Variants in PSPC1 observed in about 807,000 individuals in gnomAD.
PSPC1 encodes paraspeckle protein 1.
In PSPC1, 14 loss-of-function variants were observed where a neutral mutation model predicts 51.6. The observed-to-expected ratio is 0.27, with a 90% confidence interval of 0.18 to 0.42. The LOEUF (loss-of-function observed/expected upper bound fraction) is 0.42, where lower values mean the gene tolerates loss of function less well. Among genes scored for constraint, PSPC1 ranks in the 10% least tolerant of loss-of-function variants. The pLI, the probability that PSPC1 is intolerant of heterozygous loss-of-function variation, is 1.00. For missense variants in PSPC1, 406 were observed against 701.1 expected, an observed-to-expected ratio of 0.58 and a Z score of 4.75; for synonymous variants, 193 against 231.9, an observed-to-expected ratio of 0.83 and a Z score of 1.53.
intron 6 of PSPC1, among the ~76,000 whole-genome samples, chr13:19,715,798 G>T (rs189773926): frequency 6.6e-6 from 1 of 152,058 alleles, no homozygotes; most frequent in Admixed American, 6.6e-5. Context: ...TGGATCACGA[G>T]GTCAAGAGAT....
intron 6 of PSPC1, among the ~76,000 whole-genome samples, chr13:19,694,088 A>G (rs1878896177): frequency 8.0e-6 from 1 of 124,842 alleles, no homozygotes; most frequent in Non-Finnish European, 1.6e-5. Flanking sequence ...GCACCACTGC[A>G]CTCCAGCCTG....
At chr13:19,673,360 T>C (rs1026705258), downstream of PSPC1, 1 of 278,438 alleles carries the variant, frequency 3.6e-6, no homozygotes, top group Non-Finnish European at 7.1e-6. Flanking sequence ...CACGTTTGTG[T>C]AGATATTTCA....
intron 4 of PSPC1, among the ~76,000 whole-genome samples, chr13:19,749,575 A>G (rs1230183767): frequency 6.6e-6 from 1 of 151,182 alleles, no homozygotes; most frequent in Non-Finnish European, 1.5e-5. Flanking sequence ...CTAATGAATG[A>G]TTCAGTACCT....
chr13:19,730,789 C>G (rs1156896582), intron 5 of PSPC1, among the ~76,000 whole-genome samples: 2 of 151,712 alleles, frequency 1.3e-5, no homozygotes, highest in Non-Finnish European at 2.9e-5. Context: ...GAAACCCTAT[C>G]TCTACTAAAA....
chr13:19,724,774 G>T (rs184496290), intron 6 of PSPC1, among the ~76,000 whole-genome samples: 1 of 152,086 alleles, frequency 6.6e-6, no homozygotes, highest in South Asian at 2.1e-4. Context: ...CCGAGCGGGC[G>T]GATCACCTGA....
intron 1 of PSPC1, among the ~76,000 whole-genome samples, chr13:19,774,912 C>A (rs542908932): frequency 6.6e-5 from 10 of 151,764 alleles, no homozygotes; most frequent in Non-Finnish European, 1.5e-4. Flanking sequence ...AGGGGGCTCA[C>A]ACCTGTAATC....
rs1888694904 is a variant in PSPC1 at position 19,772,304 on chromosome 13, T to C, written c.612A>G (p.Ala204=). 1.9e-6 allele frequency: 3 copies of C among 1,614,240 alleles called. No individual in the cohort carries two copies. The highest frequency in any genetic ancestry group is 1.6e-4 in the Middle Eastern group (1 of 6,062). The part of the protein sequence containing the change: ...RATGKGFVEF[A]AKPPARKALE... ...GAGCCTTTCGTGCAGGAGGTTTTGC[T>C]GCAAACTCTACAAAACCTTTTCCTG... The change falls in exon 2 of 9, where the codon GCA becomes GCG. Residue 204 remains alanine (A), a synonymous_variant. Coordinates refer to ENST00000338910, the MANE Select transcript of PSPC1 (RefSeq NM_001354909.2).
chr13:19,724,020 A>C (rs1184831704), intron 6 of PSPC1, among the ~76,000 whole-genome samples: 11 of 152,204 alleles, frequency 7.2e-5, no homozygotes, highest in Non-Finnish European at 1.6e-4. Flanking sequence ...ATCCTTCAGC[A>C]AATAATTCTT....
chr13:19,671,742 T>C (rs1459289759), downstream of PSPC1: 4 of 1,151,708 alleles, frequency 3.5e-6, no homozygotes, highest in Middle Eastern at 2.0e-4. Flanking sequence ...TGCCAAATAA[T>C]AGAAGCAAAT....
intron 6 of PSPC1, among the ~76,000 whole-genome samples, chr13:19,721,425 T>C (rs1016840266): frequency 1.3e-5 from 2 of 152,138 alleles, no homozygotes; most frequent in Admixed American, 6.5e-5. Flanking sequence ...AATCTTACCA[T>C]TCTGAACCAA....
intron 2 of PSPC1, among the ~76,000 whole-genome samples, chr13:19,765,027 T>C (rs546166567): frequency 2.0e-5 from 3 of 152,262 alleles, no homozygotes; most frequent in South Asian, 2.1e-4. Context: ...CTTATAGACA[T>C]GTACCATTTT....
At chr13:19,720,463 T>A (rs1406439746) in intron 6 of PSPC1, among the ~76,000 whole-genome samples, 1 of 152,248 alleles carries the variant, frequency 6.6e-6, no homozygotes, top group Non-Finnish European at 1.5e-5. Flanking sequence ...AGTATCCATT[T>A]CTGTTTGTGA....
intron 7 of PSPC1, among the ~76,000 whole-genome samples, chr13:19,708,408 G>A (rs1385314143): frequency 6.6e-6 from 1 of 152,128 alleles, no homozygotes; most frequent in Non-Finnish European, 1.5e-5. Flanking sequence ...AATTTAATGT[G>A]GGACAGCTTT....
chr13:19,755,770 C>A (rs1485074596), intron 3 of PSPC1, among the ~76,000 whole-genome samples: 1 of 152,166 alleles, frequency 6.6e-6, no homozygotes, highest in East Asian at 1.9e-4. Flanking sequence ...TCTCTACACA[C>A]TGAAGAACTC....
intron 4 of PSPC1, among the ~76,000 whole-genome samples, chr13:19,745,721 G>A (rs1444656107): frequency 6.6e-6 from 1 of 151,020 alleles, no homozygotes; most frequent in Non-Finnish European, 1.5e-5. Flanking sequence ...CTGGGTTCAA[G>A]CAATTCTCCC....
intron 6 of PSPC1, among the ~76,000 whole-genome samples, chr13:19,692,703 G>A (rs955070775): frequency 5.3e-5 from 8 of 152,032 alleles, no homozygotes; most frequent in East Asian, 3.9e-4. Flanking sequence ...TACCTTTGGC[G>A]TCTCTGTTCA....
chr13:19,742,271 A>AAC (rs1332495599), intron 4 of PSPC1, among the ~76,000 whole-genome samples: 1 of 151,714 alleles, frequency 6.6e-6, no homozygotes, highest in Non-Finnish European at 1.5e-5. Flanking sequence ...AAAAAAAAAA[A>AAC]AAAAACAAAC....
chr13:19,752,338 T>C (rs1886639455), intron 3 of PSPC1, among the ~76,000 whole-genome samples: 1 of 152,204 alleles, frequency 6.6e-6, no homozygotes, highest in Admixed American at 6.6e-5. Flanking sequence ...TATATACATT[T>C]AATATACATT....
chr13:19,677,160 G>A (rs1876744982), intron 7 of PSPC1, among the ~76,000 whole-genome samples: 1 of 151,574 alleles, frequency 6.6e-6, no homozygotes, highest in Non-Finnish European at 1.5e-5. Context: ...ATGAACCCGG[G>A]AGGCAGAGCT....
Sources: gnomAD v4.1 joint callset for allele counts (sites outside exome capture counted in the v4.1 genomes callset) on GRCh38, gnomAD v4.1.1 for gene constraint, MANE v1.5 for transcripts, NCBI Gene and HGNC (gene_info 2026-07-23, HGNC 2026-07-21) for gene names.